Variants in WDR27 observed in about 807,000 individuals in gnomAD.
The protein encoded by WDR27 is WD repeat domain 27.
In WDR27, 100 loss-of-function variants were observed where a neutral mutation model predicts 114.4. The ratio of observed to expected loss-of-function variants is 0.87; its 90% confidence interval spans 0.74 to 1.03. The LOEUF (loss-of-function observed/expected upper bound fraction) is 1.03, where lower values mean the gene tolerates loss of function less well. WDR27 is among the 50% of genes least tolerant of loss of function. The pLI, the probability that WDR27 is intolerant of heterozygous loss-of-function variation, is 0.00. For missense variants in WDR27, 1,129 were observed against 1,092.9 expected, an observed-to-expected ratio of 1.03 and a Z score of -0.47; for synonymous variants, 449 against 423.1, an observed-to-expected ratio of 1.06 and a Z score of -0.75.
chr6:169,624,315 G>A (rs540206444), intron 21 of WDR27, among the ~76,000 whole-genome samples: 44 of 152,046 alleles, frequency 2.9e-4, no homozygotes, highest in African/African-American at 6.0e-4. Flanking sequence ...TCAGGTGTGC[G>A]GCGTGTGGCA....
intron 1 of WDR27, among the ~76,000 whole-genome samples, chr6:169,700,199 C>T (rs975348683): frequency 2.6e-5 from 4 of 152,230 alleles, no homozygotes; most frequent in Admixed American, 6.5e-5. Context: ...AGTTTGTCTT[C>T]TTAGTCCATA....
chr6:169,582,792 C>T (rs1562627703), intron 24 of WDR27, 44 bp downstream of exon 24: 3 of 1,467,528 alleles, frequency 2.0e-6, no homozygotes, highest in Non-Finnish European at 1.9e-6. Flanking sequence ...TAATGTAAGA[C>T]TTGTATGCAG....
chr6:169,427,986 G>A, the WDR27 span, among the ~76,000 whole-genome samples: 2 of 152,112 alleles, frequency 1.3e-5, no homozygotes, highest in Non-Finnish European at 1.5e-5. Flanking sequence ...GGCCCCAGAG[G>A]GGTCCCGGAG....
intron 25 of WDR27, among the ~76,000 whole-genome samples, chr6:169,495,430 A>G (rs1406618395): frequency 6.6e-6 from 1 of 152,034 alleles, no homozygotes; most frequent in Non-Finnish European, 1.5e-5. Flanking sequence ...CTAGCAGAGG[A>G]ATGAAATAAG....
At chr6:169,547,383 T>C (rs947290405) in intron 25 of WDR27, among the ~76,000 whole-genome samples, 1 of 152,012 alleles carries the variant, frequency 6.6e-6, no homozygotes, top group East Asian at 1.9e-4. Context: ...AAAAGACAAC[T>C]AGAGACTAAT....
chr6:169,638,793 G>C, intron 17 of WDR27, 133 bp from the exon 18 acceptor site: 1 of 1,067,810 alleles, frequency 9.4e-7, no homozygotes, highest in South Asian at 1.6e-5. Context: ...GCGCCAGGAG[G>C]CTTCTCCTCG....
chr6:169,667,125 T>C lies in WDR27; in HGVS notation c.712+11A>G. Reference sequence around the variant, plus strand: ...ACCTATTTACAGAAAACATGAAAGTTTTAAATTTACCTGATAACACAGATG... The same window carrying C: ...ACCTATTTACAGAAAACATGAAAGTCTTAAATTTACCTGATAACACAGATG... On this transcript the variant is annotated intron_variant, in intron 6 of 25. Coordinates refer to ENST00000448612, the MANE Select transcript of WDR27 (RefSeq NM_182552.5). 1 of 1,512,272 alleles carries C rather than the reference T, an allele frequency of 6.6e-7. No individual in the cohort carries two copies. Among genetic ancestry groups the C allele is most frequent in the Non-Finnish European group, 8.8e-7 (1 of 1,132,820 alleles). The allele number at this position is 1,512,272 out of a possible 1,614,324, so 93.7% of individuals were successfully genotyped here. A position where few individuals can be genotyped will look rare whatever the true frequency, so the allele number is the denominator to read the frequency against.
chr6:169,620,647 G>A (rs1812893347), intron 21 of WDR27, among the ~76,000 whole-genome samples: 1 of 152,140 alleles, frequency 6.6e-6, no homozygotes, highest in African/African-American at 2.4e-5. Flanking sequence ...GATATCTCAT[G>A]TCTCCCTAAA....
intron 24 of WDR27, among the ~76,000 whole-genome samples, chr6:169,574,626 A>G (rs1801956743): frequency 6.6e-6 from 1 of 152,274 alleles, no homozygotes; most frequent in Admixed American, 6.5e-5. Context: ...CAGATCTTTC[A>G]CGAAGTGCGT....
chr6:169,670,254 A>G (rs770124630), intron 4 of WDR27: 98 of 214,738 alleles, frequency 4.6e-4, no homozygotes, highest in Non-Finnish European at 6.9e-4. Context: ...CAAAAGCGCT[A>G]TGCTAGGAAG....
chr6:169,502,881 G>C (rs776556814), intron 25 of WDR27, among the ~76,000 whole-genome samples: 5 of 152,132 alleles, frequency 3.3e-5, no homozygotes, highest in African/African-American at 9.7e-5. Context: ...GCCAAGATTC[G>C]AGTAGATGGA....
At position 169,637,939 on chromosome 6, in the gene WDR27, T is replaced by C. The variant is rs752873010; in HGVS notation, c.1869+600A>G. ...TACATGCATGTGAATATGTGGCAAG[T>C]ATGTAAGTGTGCGTATGTGTATGCA... On this transcript the variant is annotated intron_variant, in intron 18 of 25. Coordinates refer to ENST00000448612, the MANE Select transcript of WDR27 (RefSeq NM_182552.5). Among the ~76,000 whole-genome samples the C allele has an allele frequency of 1.9e-3, 294 of 152,266 alleles. 2 individuals are homozygous for C. The highest frequency in any genetic ancestry group is 2.0e-3 in the Non-Finnish European group (136 of 68,028).
chr6:169,502,226 G>A (rs1161094066), intron 25 of WDR27, among the ~76,000 whole-genome samples: 3 of 152,206 alleles, frequency 2.0e-5, no homozygotes, highest in Non-Finnish European at 4.4e-5. Context: ...GGACGACCGC[G>A]GCCTCTGAAG....
chr6:169,498,720 C>A (rs1790713312), intron 25 of WDR27, among the ~76,000 whole-genome samples: 1 of 152,122 alleles, frequency 6.6e-6, no homozygotes, highest in African/African-American at 2.4e-5. Flanking sequence ...GTGAAAATAG[C>A]CCATATTAAA....
chr6:169,546,227 A>G (rs1423791936), intron 25 of WDR27, among the ~76,000 whole-genome samples: 1 of 152,206 alleles, frequency 6.6e-6, no homozygotes, highest in Non-Finnish European at 1.5e-5. Flanking sequence ...TGTTTCCAAT[A>G]AAAGGAAACA....
chr6:169,666,381 T>C (rs1189216486), intron 6 of WDR27: 1 of 985,160 alleles, frequency 1.0e-6, no homozygotes, highest in Non-Finnish European at 1.2e-6. Context: ...CCAAAGTATC[T>C]GTATATGCTT....
the WDR27 span, among the ~76,000 whole-genome samples, chr6:169,434,177 G>A: frequency 3.3e-5 from 5 of 152,058 alleles, no homozygotes; most frequent in Non-Finnish European, 5.9e-5. Context: ...CTATGTCCTC[G>A]ATGGTATTGC....
chr6:169,542,842 A>G (rs1273712034), intron 25 of WDR27, among the ~76,000 whole-genome samples: 2 of 152,128 alleles, frequency 1.3e-5, no homozygotes, highest in Admixed American at 6.5e-5. Flanking sequence ...TAAATTTTCC[A>G]GTAGCCATAT....
At chr6:169,662,847 ACG>A in intron 8 of WDR27, among the ~76,000 whole-genome samples, 3 of 137,510 alleles carry the variant, frequency 2.2e-5, no homozygotes, top group African/African-American at 8.4e-5. Flanking sequence ...ACCCAGCATG[ACG>A]CGTGTGCACC....
Sources: gnomAD v4.1 joint callset for allele counts (sites outside exome capture counted in the v4.1 genomes callset) on GRCh38, gnomAD v4.1.1 for gene constraint, MANE v1.5 for transcripts, NCBI Gene and HGNC (gene_info 2026-07-23, HGNC 2026-07-21) for gene names.